The following BEND5 variants were observed in gnomAD, a reference collection of about 807,000 sequenced individuals.
BEND5 encodes BEN domain containing 5.
A neutral mutation model predicts 43.9 loss-of-function variants in BEND5; 22 were observed. The observed-to-expected ratio is 0.50, with a 90% confidence interval of 0.36 to 0.72. The LOEUF (loss-of-function observed/expected upper bound fraction) is 0.72. Ranked by LOEUF, BEND5 falls within the 30% of genes least tolerant of loss-of-function variation. BEND5 has a pLI of 0.00. For synonymous variants in BEND5, 228 were observed against 225.9 expected, an observed-to-expected ratio of 1.01 and a Z score of -0.08; for missense variants, 428 against 550.6, an observed-to-expected ratio of 0.78 and a Z score of 2.23.
At chr1:48,732,522 G>A (rs1209938646) in intron 5 of BEND5, among the ~76,000 whole-genome samples, 1 of 150,888 alleles carries the variant, frequency 6.6e-6, no homozygotes, top group Non-Finnish European at 1.5e-5. Flanking sequence ...TTGGAGTAGG[G>A]TGATGTGACA....
intron 3 of BEND5, among the ~76,000 whole-genome samples, chr1:48,757,980 A>G (rs1235664816): frequency 1.3e-5 from 2 of 152,154 alleles, no homozygotes; most frequent in East Asian, 3.9e-4. Flanking sequence ...ATATTCTAAA[A>G]GCATTTTTCT....
chr1:48,739,790 T>G (rs796882807), intron 4 of BEND5, among the ~76,000 whole-genome samples: 19 of 152,350 alleles, frequency 1.2e-4, no homozygotes, highest in African/African-American at 4.6e-4. Context: ...GCCATTCTCT[T>G]GTCCAGGAAT....
At position 48,776,631 on chromosome 1, in the gene BEND5, G is replaced by C; in HGVS notation, c.201C>G (p.His67Gln). Residue 67 changes from histidine to glutamine, a missense_variant, in exon 1 of 6, where the codon CAC (histidine) becomes CAG (glutamine). His to Gln is a conservative substitution (Grantham distance 24). This residue lies in a region of BEND5 where 107 missense variants were observed against 98.8 expected (regional missense o/e 1.08). Coordinates refer to ENST00000371833, the MANE Select transcript of BEND5 (RefSeq NM_024603.4). Reference protein sequence around the residue: ...APRDWGALLLHKAQILALAED... With the variant: ...APRDWGALLLQKAQILALAED... Reference sequence around the variant, plus strand: ...CTGCCAGCGCCAGGATCTGGGCCTTGTGGAGCAACAGCGCGCCCCAGTCGC... The same window carrying C: ...CTGCCAGCGCCAGGATCTGGGCCTTCTGGAGCAACAGCGCGCCCCAGTCGC... 1 of 1,477,242 alleles carries C rather than the reference G, an allele frequency of 6.8e-7. No homozygotes were observed. Among genetic ancestry groups the C allele is most frequent in the African/African-American group, 1.5e-5 (1 of 67,056 alleles). 91.5% of individuals were successfully genotyped at this position (1,477,242 alleles called of 1,614,324 possible). A position where few individuals can be genotyped will look rare whatever the true frequency, so the allele number is the denominator to read the frequency against.
chr1:48,759,827 T>C (rs1644160474), intron 2 of BEND5, among the ~76,000 whole-genome samples: 1 of 152,242 alleles, frequency 6.6e-6, no homozygotes, highest in Non-Finnish European at 1.5e-5. Context: ...AAAACTCTAA[T>C]CTACTCTAAT....
chr1:48,729,405 G>A (rs1027573938), intron 5 of BEND5, among the ~76,000 whole-genome samples: 31 of 152,110 alleles, frequency 2.0e-4, no homozygotes, highest in African/African-American at 7.5e-4. Flanking sequence ...AAAACCCTTG[G>A]GGACTCTTTG....
intron 1 of BEND5, among the ~76,000 whole-genome samples, chr1:48,773,160 C>T (rs764237771): frequency 6.6e-5 from 10 of 152,090 alleles, no homozygotes; most frequent in Admixed American, 1.3e-4. Flanking sequence ...ATTCAGCACA[C>T]TCAAACAACA....
At chr1:48,747,910 C>T (rs1021552874) in intron 3 of BEND5, among the ~76,000 whole-genome samples, 3 of 152,148 alleles carry the variant, frequency 2.0e-5, no homozygotes, top group Middle Eastern at 6.8e-3. Flanking sequence ...TAATAATATT[C>T]GATTCTTTTT....
At chr1:48,732,930 T>A (rs968705655) in intron 5 of BEND5, among the ~76,000 whole-genome samples, 10 of 152,162 alleles carry the variant, frequency 6.6e-5, no homozygotes, top group African/African-American at 2.4e-4. Context: ...AGAACAGGTT[T>A]CTCAGTGAAG....
At chr1:48,743,424 T>A (rs1328715103) in intron 3 of BEND5, among the ~76,000 whole-genome samples, 1 of 152,222 alleles carries the variant, frequency 6.6e-6, no homozygotes, top group African/African-American at 2.4e-5. Flanking sequence ...AGGGGTTATT[T>A]TTTCTCCATT....
At chr1:48,757,285 T>C (rs144560889) in intron 3 of BEND5, among the ~76,000 whole-genome samples, 4 of 152,350 alleles carry the variant, frequency 2.6e-5, no homozygotes, top group African/African-American at 9.6e-5. Context: ...AAAATTTCAG[T>C]TATCCCCATC....
At chr1:48,757,921 G>A (rs537200276) in intron 3 of BEND5, among the ~76,000 whole-genome samples, 1 of 152,208 alleles carries the variant, frequency 6.6e-6, no homozygotes, top group South Asian at 2.1e-4. Flanking sequence ...GTGTTATACC[G>A]ATTTCCTCAA....
intron 3 of BEND5, among the ~76,000 whole-genome samples, chr1:48,745,012 T>C (rs1004230078): frequency 6.6e-5 from 10 of 152,240 alleles, no homozygotes; most frequent in African/African-American, 2.4e-4. Context: ...GGTCTCTACA[T>C]TGTGACTACT....
chr1:48,762,540 G>A (rs931768400), intron 1 of BEND5, among the ~76,000 whole-genome samples: 3 of 151,774 alleles, frequency 2.0e-5, no homozygotes, highest in Admixed American at 2.0e-4. Context: ...TCCCAAATGC[G>A]TTTTGTAGCA....
At position 48,728,011 on chromosome 1, in the gene BEND5, C is replaced by T. The variant is rs143256443; in HGVS notation, c.1141G>A (p.Val381Met). ...CLYDRIAQET[V>M]DETEIAQRLS... ...CTCTGTGCAATTTCAGTTTCATCCA[C>T]AGTTTCTTGTGCTATTCTGTCATAC... Residue 381 changes from valine (V) to methionine (M), a missense_variant, in exon 6 of 6, where the codon GTG becomes ATG. Val to Met is a conservative substitution (Grantham distance 21). Coordinates refer to ENST00000371833, the MANE Select transcript of BEND5 (RefSeq NM_024603.4). 4 of 1,611,968 alleles carry T rather than the reference C, an allele frequency of 2.5e-6. No individual in the cohort carries two copies. Among genetic ancestry groups the T allele is most frequent in the Non-Finnish European group, 3.4e-6 (4 of 1,178,690 alleles).
intron 5 of BEND5, among the ~76,000 whole-genome samples, chr1:48,735,373 G>T (rs776742002): frequency 6.6e-5 from 10 of 151,880 alleles, no homozygotes; most frequent in Non-Finnish European, 1.3e-4. Context: ...GCCTGGCAAA[G>T]AATGGATGGA....
intron 5 of BEND5, among the ~76,000 whole-genome samples, chr1:48,734,580 T>C (rs942337025): frequency 6.6e-6 from 1 of 152,204 alleles, no homozygotes; most frequent in African/African-American, 2.4e-5. Flanking sequence ...TCACTCTTCC[T>C]TCTACATCCC....
At chr1:48,746,968 C>T (rs892214993) in intron 3 of BEND5, among the ~76,000 whole-genome samples, 3 of 152,194 alleles carry the variant, frequency 2.0e-5, no homozygotes, top group Non-Finnish European at 4.4e-5. Context: ...AGGGAGGGCC[C>T]CTAGTGCTTT....
chr1:48,760,795 C>T (rs1022745405), intron 2 of BEND5, among the ~76,000 whole-genome samples: 3 of 152,156 alleles, frequency 2.0e-5, no homozygotes, highest in Non-Finnish European at 4.4e-5. Context: ...GCTAGCTTGC[C>T]GAACAAGATT....
At chr1:48,738,433 G>A (rs1649408710) in intron 4 of BEND5, among the ~76,000 whole-genome samples, 1 of 152,188 alleles carries the variant, frequency 6.6e-6, no homozygotes, top group Non-Finnish European at 1.5e-5. Context: ...AGGCAACACG[G>A]ACACCAAGGT....
Sources: allele counts gnomAD v4.1 joint callset (sites outside exome capture counted in the v4.1 genomes callset), GRCh38; gene constraint gnomAD v4.1.1; regional missense constraint gnomAD v4.1.1; transcripts MANE v1.5; gene names NCBI Gene and HGNC (gene_info 2026-07-23, HGNC 2026-07-21).